The following NTN1 variants were observed in gnomAD, a reference collection of about 807,000 sequenced individuals.
NTN1 encodes the protein netrin 1.
NTN1 carries 11 observed loss-of-function variants against 54.2 expected under a neutral mutation model. That is an observed-to-expected ratio of 0.20 (90% CI 0.13 to 0.34). The LOEUF (loss-of-function observed/expected upper bound fraction) is 0.34, where lower values mean the gene tolerates loss of function less well. Ranked by LOEUF, NTN1 falls within the 10% of genes least tolerant of loss-of-function variation. NTN1 has a pLI of 1.00. For synonymous variants in NTN1, 371 were observed against 382.0 expected (o/e 0.97, Z 0.33); for missense variants, 740 against 893.1 (o/e 0.83, Z 2.18).
At chr17:9,181,410 C>T (rs1001951761) in intron 4 of NTN1, among the ~76,000 whole-genome samples, 6 of 152,296 alleles carry the variant, frequency 3.9e-5, no homozygotes, top group African/African-American at 9.6e-5. Flanking sequence ...CCATTGGCTT[C>T]GGCTCCATTT....
At chr17:9,045,636 T>C (rs376523486) in intron 2 of NTN1, among the ~76,000 whole-genome samples, 56 of 151,968 alleles carry the variant, frequency 3.7e-4, no homozygotes, top group African/African-American at 1.3e-3. Context: ...ATTTAAGAAG[T>C]TAGAAAAAAA....
intron 2 of NTN1, among the ~76,000 whole-genome samples, chr17:9,142,160 G>C (rs550177719): frequency 6.6e-6 from 1 of 152,034 alleles, no homozygotes; most frequent in East Asian, 1.9e-4. Flanking sequence ...ATGGTGGCGG[G>C]CCCCTGTAAT....
intron 3 of NTN1, among the ~76,000 whole-genome samples, chr17:9,167,372 C>T (rs1172229589): frequency 6.6e-6 from 1 of 152,178 alleles, no homozygotes; most frequent in Non-Finnish European, 1.5e-5. Flanking sequence ...GCCCTGCCCC[C>T]ATTGATAACA....
chr17:9,086,029 C>T (rs1003976292), intron 2 of NTN1, among the ~76,000 whole-genome samples: 13 of 152,290 alleles, frequency 8.5e-5, no homozygotes, highest in South Asian at 8.3e-4. Context: ...AAGTGAGATT[C>T]GTTTCTGCCC....
At chr17:9,203,808 AAAAG>A (rs780551735) in intron 5 of NTN1, among the ~76,000 whole-genome samples, 8 of 151,840 alleles carry the variant, frequency 5.3e-5, no homozygotes, top group Non-Finnish European at 8.8e-5. Context: ...GTCTCATAAA[AAAAG>A]GAAAAGAAAA....
Position 9,152,188 on chromosome 17 carries a change from C to T in NTN1, c.1019-10625C>T, listed in dbSNP as rs531376519. ...CACCTTTAAGAGCTGTAACACTCACCGCCAAGGTCCACGGCTTCATTCTTG... is the reference window on the plus strand; with the variant it reads ...CACCTTTAAGAGCTGTAACACTCACTGCCAAGGTCCACGGCTTCATTCTTG... On this transcript the variant is annotated intron_variant, in intron 2 of 6. Coordinates refer to ENST00000173229, the MANE Select transcript of NTN1 (RefSeq NM_004822.3). Among the ~76,000 whole-genome samples the T allele has an allele frequency of 7.3e-4, 111 of 152,272 alleles. 2 individuals carry two copies. The South Asian group carries it at 0.017, about 23-fold the overall frequency.
chr17:9,157,653 T>C (rs1016650234), intron 2 of NTN1, among the ~76,000 whole-genome samples: 3 of 152,218 alleles, frequency 2.0e-5, no homozygotes, highest in African/African-American at 7.2e-5. Flanking sequence ...TTGGTGATCC[T>C]CACATGATAG....
intron 5 of NTN1, among the ~76,000 whole-genome samples, chr17:9,203,262 A>G (rs567041069): frequency 6.6e-6 from 1 of 152,236 alleles, no homozygotes; most frequent in South Asian, 2.1e-4. Flanking sequence ...TCTGTTTGCC[A>G]GCTGTTCCCT....
chr17:9,143,005 T>G (rs2092302693), intron 2 of NTN1, among the ~76,000 whole-genome samples: 1 of 152,124 alleles, frequency 6.6e-6, no homozygotes, highest in East Asian at 1.9e-4. Flanking sequence ...GGTTTGGTAT[T>G]TTAAGTGGCA....
chr17:9,045,487 G>C (rs770215817), intron 2 of NTN1, among the ~76,000 whole-genome samples: 1 of 151,896 alleles, frequency 6.6e-6, no homozygotes, highest in African/African-American at 2.4e-5. Flanking sequence ...CCAGCTTCAC[G>C]CCTGCCTCCA....
At chr17:9,011,076 A>G in the NTN1 span, among the ~76,000 whole-genome samples, 5 of 152,102 alleles carry the variant, frequency 3.3e-5, no homozygotes, top group South Asian at 4.2e-4. Context: ...TGCAGTTCTC[A>G]ACAGCATTCT....
intron 2 of NTN1, among the ~76,000 whole-genome samples, chr17:9,149,560 T>A (rs1014827395): frequency 5.9e-5 from 9 of 152,116 alleles, no homozygotes; most frequent in African/African-American, 1.9e-4. Flanking sequence ...TATTGCCAGG[T>A]CCCTGGCAAC....
At chr17:9,017,916 A>G (rs535531441), upstream of NTN1, among the ~76,000 whole-genome samples, 4 of 152,326 alleles carry the variant, frequency 2.6e-5, no homozygotes, top group East Asian at 3.9e-4. Context: ...ACAATGTCCT[A>G]TGGGAAATCA....
intron 5 of NTN1, among the ~76,000 whole-genome samples, chr17:9,210,645 A>G (rs1033134368): frequency 2.6e-5 from 4 of 152,078 alleles, no homozygotes; most frequent in Non-Finnish European, 4.4e-5. Context: ...GGTCGCTCAC[A>G]TCTGTAATCC....
intron 2 of NTN1, among the ~76,000 whole-genome samples, chr17:9,112,538 TG>T (rs2092195357): frequency 6.6e-6 from 1 of 152,124 alleles, no homozygotes; most frequent in Non-Finnish European, 1.5e-5. Flanking sequence ...GTGATTTTGC[TG>T]TTTAAAATGC....
At chr17:9,006,844 A>G in the NTN1 span, among the ~76,000 whole-genome samples, 3 of 152,222 alleles carry the variant, frequency 2.0e-5, no homozygotes, top group Admixed American at 6.5e-5. Context: ...GTAGGGAACA[A>G]GAAAGATATA....
chr17:9,229,006 G>T (rs1285095587), intron 6 of NTN1, among the ~76,000 whole-genome samples: 1 of 123,892 alleles, frequency 8.1e-6, no homozygotes, highest in Admixed American at 8.8e-5. Flanking sequence ...TTCTGTGACT[G>T]TAAGTGTGAC....
At chr17:9,061,127 G>A (rs1028603298) in intron 2 of NTN1, among the ~76,000 whole-genome samples, 1 of 152,158 alleles carries the variant, frequency 6.6e-6, no homozygotes, top group African/African-American at 2.4e-5. Context: ...ATGTTCTTTT[G>A]TAGTGATAGA....
rs369668073 is a variant in NTN1, at chr17:9,212,785, G to A, written c.1412-8383G>A. 5.9e-5 allele frequency among the ~76,000 whole-genome samples: 9 copies of A among 152,328 alleles called. No homozygotes were observed. Among genetic ancestry groups the A allele is most frequent in the African/African-American group, 7.2e-5 (3 of 41,572 alleles). ...AAGCCCGACAGCCCAGAAGCAGAGC[G>A]GCAGAGGTGTTGCGAGCGAGTGGGC... On this transcript the variant is annotated intron_variant, in intron 5 of 6. Coordinates refer to ENST00000173229, the MANE Select transcript of NTN1 (RefSeq NM_004822.3). The surrounding 1 kb of genome is among the most constrained non-coding windows in gnomAD (Gnocchi z 5.5).
Sources: gnomAD v4.1 joint callset for allele counts (sites outside exome capture counted in the v4.1 genomes callset) on GRCh38, gnomAD v4.1.1 for gene constraint, Gnocchi (gnomAD v3.1) non-coding constraint, MANE v1.5 for transcripts, NCBI Gene and HGNC (gene_info 2026-07-23, HGNC 2026-07-21) for gene names.